Variants in TMIGD3 observed in about 807,000 individuals in gnomAD.
TMIGD3 encodes the protein AD026 protein (AD026).
In TMIGD3, 21 loss-of-function variants were observed where a neutral mutation model predicts 28.1. The ratio of observed to expected loss-of-function variants is 0.75; its 90% CI spans 0.53 to 1.08. The LOEUF (loss-of-function observed/expected upper bound fraction) is 1.08. Ranked by LOEUF, TMIGD3 falls within the 50% of genes least tolerant of loss-of-function variation. TMIGD3 has a pLI of 0.00. For missense variants in TMIGD3, 416 were observed against 435.6 expected, an observed-to-expected ratio of 0.96 and a Z score of 0.40; for synonymous variants, 151 against 162.1, an observed-to-expected ratio of 0.93 and a Z score of 0.52.
chr1:111,543,049 T>A (rs1451748228), intron 1 of TMIGD3, among the ~76,000 whole-genome samples: 1 of 152,216 alleles, frequency 6.6e-6, no homozygotes. Context: ...AGTCTATTTG[T>A]AGATTCTCCC....
intron 1 of TMIGD3, among the ~76,000 whole-genome samples, chr1:111,541,449 A>C (rs567012942): frequency 6.6e-6 from 1 of 152,314 alleles, no homozygotes; most frequent in South Asian, 2.1e-4. Context: ...AAATCAGTAG[A>C]TGTTTTGCAG....
intron 1 of TMIGD3, among the ~76,000 whole-genome samples, chr1:111,527,751 T>G (rs1182219393): frequency 2.0e-5 from 3 of 152,226 alleles, no homozygotes; most frequent in Non-Finnish European, 4.4e-5. Context: ...TAGTGACATA[T>G]GAGATGGATC....
intron 1 of TMIGD3, among the ~76,000 whole-genome samples, chr1:111,514,714 C>G (rs1401435016): frequency 6.6e-6 from 1 of 151,844 alleles, no homozygotes; most frequent in Admixed American, 6.6e-5. Flanking sequence ...AAGAGTCATG[C>G]CTCCCTTAAA....
intron 1 of TMIGD3, among the ~76,000 whole-genome samples, chr1:111,557,834 G>A (rs1657564633): frequency 6.6e-6 from 1 of 152,140 alleles, no homozygotes; most frequent in Admixed American, 6.5e-5. Flanking sequence ...AACAGTGACA[G>A]CATAAAAATT....
chr1:111,539,748 G>T (rs1403538627), intron 1 of TMIGD3, among the ~76,000 whole-genome samples: 1 of 152,166 alleles, frequency 6.6e-6, no homozygotes, highest in Non-Finnish European at 1.5e-5. Flanking sequence ...CATATTGCAG[G>T]TTAATTTATG....
Position 111,500,310 on chromosome 1 carries a change from G to A in TMIGD3, c.350+2695C>T, listed in dbSNP as rs193073771. On this transcript the variant is annotated intron_variant, in intron 1 of 5. Transcript: ENST00000369716. ...GTTTGTTCCGAATGATGTAAAAGAT[G>A]TCAAGATAGATGGCGCACATGACAA... is the stretch of plus-strand genomic sequence containing the variant. 4.3e-6 allele frequency: 7 copies of A among 1,614,232 alleles called. No individual in the cohort carries two copies. The East Asian group carries it at 1.1e-4, about 26-fold the overall frequency.
At chr1:111,499,924 G>T in intron 1 of TMIGD3, 1 of 1,606,948 alleles carries the variant, frequency 6.2e-7, no homozygotes, top group South Asian at 1.1e-5. Context: ...GAAGGTCAAT[G>T]AGACAGAGTC....
chr1:111,484,164 T>G (rs200195306), intron 5 of TMIGD3, among the ~76,000 whole-genome samples: 1 of 152,174 alleles, frequency 6.6e-6, no homozygotes, highest in African/African-American at 2.4e-5. Flanking sequence ...TGCCTTTCCT[T>G]AAGAGCACTG....
At chr1:111,507,099 C>A (rs940467198), upstream of TMIGD3, among the ~76,000 whole-genome samples, 6 of 147,932 alleles carry the variant, frequency 4.1e-5, no homozygotes, top group Non-Finnish European at 8.9e-5. Context: ...GAATTTCCCA[C>A]CTAAAAGAAA....
chr1:111,527,891 T>G (rs1294946810), intron 1 of TMIGD3, among the ~76,000 whole-genome samples: 3 of 147,832 alleles, frequency 2.0e-5, no homozygotes, highest in Non-Finnish European at 4.5e-5. Context: ...TTGTATATTT[T>G]GGATAACAGT....
intron 1 of TMIGD3, chr1:111,500,160 G>A (rs1189703721): frequency 1.9e-6 from 3 of 1,614,160 alleles, no homozygotes; most frequent in Non-Finnish European, 2.5e-6. Flanking sequence ...TGATGCAGTT[G>A]ATGATAGATA....
At chr1:111,505,226 C>T (rs1041958190), upstream of TMIGD3, among the ~76,000 whole-genome samples, 4 of 150,438 alleles carry the variant, frequency 2.7e-5, no homozygotes, top group Admixed American at 1.3e-4. Context: ...TACCCCAGTA[C>T]ATAGGTGAGT....
chr1:111,496,005 A>T (rs1457180981), intron 1 of TMIGD3, among the ~76,000 whole-genome samples: 2 of 152,198 alleles, frequency 1.3e-5, no homozygotes, highest in African/African-American at 2.4e-5. Context: ...GGCTTACTTG[A>T]GGATGGAGTG....
chr1:111,549,522 C>T (rs1312475441), intron 1 of TMIGD3, among the ~76,000 whole-genome samples: 7 of 151,544 alleles, frequency 4.6e-5, no homozygotes, highest in Non-Finnish European at 1.0e-4. Context: ...TGGTGGCATG[C>T]GCCTGTAGTC....
Position 111,525,629 on chromosome 1 carries a change from G to A in TMIGD3, c.108-34867C>T, listed in dbSNP as rs537205722. ...CTGTAATCTCAGCATTTGGGAGGCC[G>A]AGGCAGATGGATCATTTGAGGTCAG... On this transcript the variant is annotated intron_variant, in intron 1 of 5. Transcript: ENST00000369717. Among the ~76,000 whole-genome samples the A allele has an allele frequency of 1.0e-3, 152 of 152,262 alleles. 3 individuals carry two copies. In the South Asian group the frequency reaches 0.017, roughly 17 times the overall value.
intron 1 of TMIGD3, among the ~76,000 whole-genome samples, chr1:111,523,624 A>G (rs1481484135): frequency 6.6e-6 from 1 of 152,194 alleles, no homozygotes; most frequent in Non-Finnish European, 1.5e-5. Context: ...CAGTAAAACT[A>G]TATGGGCTTC....
chr1:111,491,048 T>C (rs1379220917), intron 1 of TMIGD3, among the ~76,000 whole-genome samples: 1 of 152,278 alleles, frequency 6.6e-6, no homozygotes, highest in Non-Finnish European at 1.5e-5. Context: ...TGTGCTCTAC[T>C]ATGCCCTGTC....
At chr1:111,502,392 G>T (rs1655271412) in intron 1 of TMIGD3, among the ~76,000 whole-genome samples, 2 of 128,532 alleles carry the variant, frequency 1.6e-5, no homozygotes, top group African/African-American at 2.9e-5. Context: ...AATATATATA[G>T]GATACATATA....
At chr1:111,508,289 G>A (rs1439191731), upstream of TMIGD3, among the ~76,000 whole-genome samples, 1 of 152,254 alleles carries the variant, frequency 6.6e-6, no homozygotes, top group African/African-American at 2.4e-5. Context: ...AAGTGAGGAA[G>A]CGTTTCAGCT....
Sources: allele counts gnomAD v4.1 joint callset (sites outside exome capture counted in the v4.1 genomes callset), GRCh38; gene constraint gnomAD v4.1.1; transcripts MANE v1.5; gene names NCBI Gene and HGNC (gene_info 2026-07-23, HGNC 2026-07-21).